The following PLXDC2 variants were observed in gnomAD, a reference collection of about 807,000 sequenced individuals.
The protein encoded by PLXDC2 is plexin domain-containing protein 2.
A neutral mutation model predicts 68.9 loss-of-function variants in PLXDC2; 40 were observed. The observed-to-expected ratio is 0.58, with a 90% CI of 0.45 to 0.76. PLXDC2 has a LOEUF of 0.76. PLXDC2 is among the 30% of genes least tolerant of loss of function. The probability of loss-of-function intolerance (pLI) is 0.00; values close to 1 mark genes in which losing one functional copy is unlikely to be tolerated. For synonymous variants in PLXDC2, 243 were observed against 234.2 expected, an observed-to-expected ratio of 1.04 and a Z score of -0.34; for missense variants, 644 against 661.9, an observed-to-expected ratio of 0.97 and a Z score of 0.30.
chr10:20,002,447 A>T (rs1443047602), intron 2 of PLXDC2, among the ~76,000 whole-genome samples: 1 of 151,882 alleles, frequency 6.6e-6, no homozygotes, highest in African/African-American at 2.4e-5. Flanking sequence ...TTTAGTAGAG[A>T]TGGCATTTCA....
At chr10:19,842,176 G>T (rs896519484) in intron 1 of PLXDC2, among the ~76,000 whole-genome samples, 1 of 152,106 alleles carries the variant, frequency 6.6e-6, no homozygotes, top group South Asian at 2.1e-4. Flanking sequence ...TACTCTGGAG[G>T]CTGAGAATTG....
intron 1 of PLXDC2, among the ~76,000 whole-genome samples, chr10:19,840,598 T>C (rs1363540070): frequency 6.6e-6 from 1 of 152,156 alleles, no homozygotes; most frequent in Non-Finnish European, 1.5e-5. Context: ...AAAACACATT[T>C]TGTTTAAAAA....
chr10:20,129,806 A>T (rs928318980), intron 4 of PLXDC2, among the ~76,000 whole-genome samples: 8 of 152,080 alleles, frequency 5.3e-5, no homozygotes, highest in African/African-American at 1.9e-4. Context: ...TAGTTGTTGA[A>T]AATCAATGAC....
intron 9 of PLXDC2, among the ~76,000 whole-genome samples, chr10:20,203,544 C>T (rs1834949420): frequency 6.6e-6 from 1 of 151,902 alleles, no homozygotes; most frequent in Admixed American, 6.6e-5. Context: ...CTCCTGGGCT[C>T]AGGAGATCCT....
intron 1 of PLXDC2, among the ~76,000 whole-genome samples, chr10:19,970,455 T>C (rs1212147573): frequency 6.6e-6 from 1 of 152,230 alleles, no homozygotes; most frequent in Non-Finnish European, 1.5e-5. Flanking sequence ...TGTGTATAAC[T>C]GTCATGTGAA....
Position 20,184,926 on chromosome 10 carries a change from C to T in PLXDC2, c.1061+7517C>T, listed in dbSNP as rs181736583. On this transcript the variant is annotated intron_variant, in intron 9 of 13. Coordinates refer to ENST00000377252, the MANE Select transcript of PLXDC2 (RefSeq NM_032812.9). The stretch of plus-strand genomic sequence containing the variant: ...GAAAACCAAACACCGCATGTTCTCA[C>T]TCATATGTGGGAGTTGAACAATGAG... 2.0e-5 allele frequency among the ~76,000 whole-genome samples: 3 copies of T among 151,922 alleles called. No homozygotes were observed. The East Asian group carries it at 5.9e-4, about 30-fold the overall frequency.
chr10:20,196,835 T>G (rs1834844209), intron 9 of PLXDC2, among the ~76,000 whole-genome samples: 1 of 152,198 alleles, frequency 6.6e-6, no homozygotes. Context: ...TTTCCCTCTC[T>G]TCTTCCCATT....
At chr10:20,251,276 G>A (rs1207541991) in intron 13 of PLXDC2, among the ~76,000 whole-genome samples, 2 of 152,122 alleles carry the variant, frequency 1.3e-5, no homozygotes, top group Non-Finnish European at 2.9e-5. Context: ...TCTAAAGGTT[G>A]TCTGATTTTG....
intron 4 of PLXDC2, among the ~76,000 whole-genome samples, chr10:20,127,526 G>C (rs781173062): frequency 3.0e-4 from 45 of 152,036 alleles, no homozygotes; most frequent in Non-Finnish European, 5.9e-4. Context: ...TTAAAATAAG[G>C]CTTCATTTAC....
intron 4 of PLXDC2, among the ~76,000 whole-genome samples, chr10:20,106,583 A>C (rs942910967): frequency 1.3e-5 from 2 of 152,144 alleles, no homozygotes; most frequent in Non-Finnish European, 2.9e-5. Flanking sequence ...TGGGAAGAAC[A>C]GGAGGGGGGA....
At chr10:19,992,777 A>G (rs1834772126) in intron 1 of PLXDC2, among the ~76,000 whole-genome samples, 1 of 152,166 alleles carries the variant, frequency 6.6e-6, no homozygotes, top group South Asian at 2.1e-4. Flanking sequence ...CTATTAACAG[A>G]GTCACCATGA....
intron 6 of PLXDC2, among the ~76,000 whole-genome samples, chr10:20,162,119 GGAAGGAAGGAAA>G (rs1372179611): frequency 5.6e-4 from 74 of 131,728 alleles, no homozygotes; most frequent in African/African-American, 1.8e-3. Context: ...AAGGAAGGAA[GGAAGGAAGGAAA>G]GAAAGAAGGA....
chr10:19,930,124 A>G (rs868333969), intron 1 of PLXDC2, among the ~76,000 whole-genome samples: 2 of 152,126 alleles, frequency 1.3e-5, no homozygotes, highest in South Asian at 4.2e-4. Context: ...AAGTTGCCCA[A>G]ATTCCCTTAA....
chr10:20,167,725 AC>A (rs1416505554), intron 7 of PLXDC2, among the ~76,000 whole-genome samples: 12 of 152,088 alleles, frequency 7.9e-5, no homozygotes, highest in Admixed American at 7.9e-4. Flanking sequence ...TATTACCTAA[AC>A]CTTTGGCTTC....
chr10:20,044,122 T>TCCTTCCTCCCTCCCTTCCTTCCTCCCTC (rs71388894), intron 2 of PLXDC2, among the ~76,000 whole-genome samples: 1 of 99,738 alleles, frequency 1.0e-5, no homozygotes, highest in African/African-American at 4.1e-5. Flanking sequence ...CTTCCTTCCT[T>TCCTTCCTCCCTCCCTTCCTTCCTCCCTC]CCTCCCTCCC....
chr10:20,247,674 A>G (rs752697156), intron 13 of PLXDC2, among the ~76,000 whole-genome samples: 22 of 152,120 alleles, frequency 1.4e-4, no homozygotes, highest in Non-Finnish European at 3.2e-4. Context: ...TCTGTTTTGC[A>G]TTAGAGTCCA....
At chr10:19,830,905 T>C (rs931121450) in intron 1 of PLXDC2, among the ~76,000 whole-genome samples, 7 of 152,172 alleles carry the variant, frequency 4.6e-5, no homozygotes, top group African/African-American at 1.7e-4. Flanking sequence ...AAGTGTTTAA[T>C]TATATTGCTA....
chr10:19,921,085 G>A (rs1833454502), intron 1 of PLXDC2, among the ~76,000 whole-genome samples: 1 of 150,094 alleles, frequency 6.7e-6, no homozygotes, highest in South Asian at 2.1e-4. Context: ...GCACCACCAT[G>A]TCTGGCTTTC....
At chr10:19,879,565 T>C (rs1471651503) in intron 1 of PLXDC2, among the ~76,000 whole-genome samples, 1 of 152,160 alleles carries the variant, frequency 6.6e-6, no homozygotes, top group Non-Finnish European at 1.5e-5. Flanking sequence ...ATATTAGACA[T>C]AGGTACATAA....
Sources: allele counts gnomAD v4.1 joint callset (sites outside exome capture counted in the v4.1 genomes callset), GRCh38; gene constraint gnomAD v4.1.1; transcripts MANE v1.5; gene names NCBI Gene and HGNC (gene_info 2026-07-23, HGNC 2026-07-21).